The following TMEM37 variants were observed in gnomAD, a reference collection of about 807,000 sequenced individuals.
TMEM37 encodes transmembrane protein 37.
In TMEM37, 12 loss-of-function variants were observed where a neutral mutation model predicts 11.0. The ratio of observed to expected loss-of-function variants is 1.09; its 90% CI spans 0.70 to 1.76. The LOEUF is 1.76. TMEM37 is among the 40% of genes most tolerant of loss of function. The pLI is 0.00. For synonymous variants in TMEM37, 127 were observed against 110.5 expected (o/e 1.15, Z -0.94); for missense variants, 203 against 251.2 (o/e 0.81, Z 1.30).
chr2:119,437,662 AC>A lies in TMEM37; in HGVS notation c.*224del. The A allele has an allele frequency of 1.7e-6, 1 of 597,572 alleles. No homozygotes were observed. Among genetic ancestry groups the A allele is most frequent in the African/African-American group, 1.9e-5 (1 of 53,896 alleles). The allele number at this position is 597,572 out of a possible 1,614,324, so 37.0% of individuals were successfully genotyped here. A position where few individuals can be genotyped will look rare whatever the true frequency, so the allele number is the denominator to read the frequency against. ...GAGGCCAGGAGGGTGCCTCAGTGCCACCAACTGCACAGGCTTAGCCAGATGT... is the reference window on the plus strand; with the variant it reads ...GAGGCCAGGAGGGTGCCTCAGTGCCACAACTGCACAGGCTTAGCCAGATGT... On this transcript the variant is annotated 3_prime_UTR_variant, in exon 2 of 2. Coordinates refer to ENST00000306406, the MANE Select transcript of TMEM37 (RefSeq NM_183240.3).
chr2:119,431,569 C>A (rs1682394105), upstream of TMEM37, among the ~76,000 whole-genome samples: 1 of 152,242 alleles, frequency 6.6e-6, no homozygotes, highest in African/African-American at 2.4e-5. Flanking sequence ...GCGCCCCAGG[C>A]GAAGCTGTCC....
Position 119,437,582 on chromosome 2 carries a change from G to C in TMEM37, c.*142G>C. ...ACGGCTGCCTGTTTGCCGATAACTT[G>C]TGGGTGGTCAGCCAGAAATGGCCCG... On this transcript the variant is annotated 3_prime_UTR_variant, in exon 2 of 2. Transcript: ENST00000306406. 1 of 1,176,728 alleles carries C rather than the reference G, an allele frequency of 8.5e-7. No individual in the cohort carries two copies. Among genetic ancestry groups the C allele is most frequent in the Non-Finnish European group, 1.2e-6 (1 of 850,440 alleles). The allele number at this position is 1,176,728 out of a possible 1,614,324, so 72.9% of individuals were successfully genotyped here.
At position 119,437,603 on chromosome 2, in the gene TMEM37, GC is replaced by G. The variant is rs778059092; in HGVS notation, c.*166del. 130 of 985,086 alleles carry G rather than the reference GC, an allele frequency of 1.3e-4. No individual in the cohort carries two copies. Among genetic ancestry groups the G allele is most frequent in the Admixed American group, 9.4e-4 (33 of 35,292 alleles). 61.0% of individuals were successfully genotyped at this position (985,086 alleles called of 1,614,324 possible). A position where few individuals can be genotyped will look rare whatever the true frequency, so the allele number is the denominator to read the frequency against. ...ACTTGTGGGTGGTCAGCCAGAAATG[GC>G]CCGGGGGCCTCTGCACCTGGTCTGC... On this transcript the variant is annotated 3_prime_UTR_variant, in exon 2 of 2. Coordinates refer to ENST00000306406, the MANE Select transcript of TMEM37 (RefSeq NM_183240.3).
upstream of TMEM37, chr2:119,431,844 C>G: frequency 1.6e-6 from 2 of 1,228,820 alleles, no homozygotes; most frequent in Non-Finnish European, 1.0e-6. Flanking sequence ...GGGCTGGCGC[C>G]GGCGGCCACA....
At position 119,436,969 on chromosome 2, in the gene TMEM37, G is replaced by A; in HGVS notation, c.102G>A (p.Val34=). ...SFIRTLIITC[V]ALAVVLSSVS... is the part of the protein sequence containing the mutation. The stretch of plus-strand genomic sequence containing the variant: ...TCCGGACCCTCATCATCACGTGTGT[G>A]GCCCTGGCTGTGGTCCTGTCCTCGG... The change falls in exon 2 of 2, where the codon GTG becomes GTA. Residue 34 remains valine, a synonymous_variant. Coordinates refer to ENST00000306406, the MANE Select transcript of TMEM37 (RefSeq NM_183240.3). 1 of 1,614,242 alleles carries A rather than the reference G, an allele frequency of 6.2e-7. No individual in the cohort carries two copies. Among genetic ancestry groups the A allele is most frequent in the Non-Finnish European group, 8.5e-7 (1 of 1,180,052 alleles).
In TMEM37 at chr2:119,437,167, G is replaced by A. The variant is rs769780996; in HGVS notation, c.300G>A (p.Val100=). The A allele has an allele frequency of 1.9e-6, 3 of 1,614,246 alleles. No homozygotes were observed. Among genetic ancestry groups the A allele is most frequent in the Non-Finnish European group, 2.5e-6 (3 of 1,180,050 alleles). Residue 100 remains valine (V), a synonymous_variant, in exon 2 of 2, where the codon GTG becomes GTA. Coordinates refer to ENST00000306406, the MANE Select transcript of TMEM37 (RefSeq NM_183240.3). Reference sequence around the variant, plus strand: ...GCAGCGTGGGCGCCTTGGCCGTGGTGGCCGCCATTTTTGGCCTGGAGTTCC... The same window carrying A: ...GCAGCGTGGGCGCCTTGGCCGTGGTAGCCGCCATTTTTGGCCTGGAGTTCC... The part of the protein sequence containing the change: ...LVRSVGALAV[V]AAIFGLEFLM...
chr2:119,434,255 T>C (rs1573764767), intron 1 of TMEM37, among the ~76,000 whole-genome samples: 1 of 152,120 alleles, frequency 6.6e-6, no homozygotes, highest in Non-Finnish European at 1.5e-5. Flanking sequence ...TTTAGGACCA[T>C]TTATCATTCT....
Position 119,438,236 on chromosome 2 carries a change from T to A in TMEM37, c.*796T>A, listed in dbSNP as rs975788364. The A allele has an allele frequency of 6.6e-6, 1 of 152,080 alleles. No homozygotes were observed. Among genetic ancestry groups the A allele is most frequent in the African/African-American group, 2.4e-5 (1 of 41,380 alleles). The allele number at this position is 152,080 out of a possible 1,614,324, so 9.4% of individuals were successfully genotyped here. A position where few individuals can be genotyped will look rare whatever the true frequency, so the allele number is the denominator to read the frequency against. On this transcript the variant is annotated 3_prime_UTR_variant, in exon 2 of 2. Coordinates refer to ENST00000306406, the MANE Select transcript of TMEM37 (RefSeq NM_183240.3). The stretch of plus-strand genomic sequence containing the variant: ...CCACCTGACTGCTAATACACAGCCC[T>A]CCCCAAGGCCCGTGTGTGCATGTGT...
chr2:119,430,319 G>A, upstream of TMEM37: 1 of 552,264 alleles, frequency 1.8e-6, no homozygotes. Context: ...CTGCAGTGGG[G>A]CCTCGCAATC....
chr2:119,432,175 C>T (rs1242606513), intron 1 of TMEM37: 5 of 367,360 alleles, frequency 1.4e-5, no homozygotes, highest in Non-Finnish European at 2.4e-5. Context: ...CTGCTCGCGG[C>T]CTTGCAAGCA....
At chr2:119,432,132 T>A (rs1682413142) in intron 1 of TMEM37, 2 of 375,324 alleles carry the variant, frequency 5.3e-6, no homozygotes, top group Non-Finnish European at 9.4e-6. Flanking sequence ...CTGCCTCACA[T>A]AGCTGCTCCC....
chr2:119,431,732 G>GCGGGGTTGGCGGAGCCCGCC (rs1372879617), upstream of TMEM37: 4 of 476,300 alleles, frequency 8.4e-6, no homozygotes, highest in East Asian at 1.2e-4. Context: ...GCGGAGGGCG[G>GCGGGGTTGGCGGAGCCCGCC]CGGGGTTGGC....
upstream of TMEM37, chr2:119,430,525 C>T: frequency 2.2e-6 from 1 of 451,908 alleles, no homozygotes. Context: ...TTGACAAGGT[C>T]TGTTGGGCAG....
chr2:119,430,197 A>G, upstream of TMEM37: 1 of 642,568 alleles, frequency 1.6e-6, no homozygotes, highest in Non-Finnish European at 2.9e-6. Flanking sequence ...GCAGAGAGGC[A>G]CCAGGCTGGC....
Position 119,437,416 on chromosome 2 carries a change from C to T in TMEM37, c.549C>T (p.Asn183=), listed in dbSNP as rs770381233. ...ACGCCATCAGCGGCCTTCACATCAA[C>T]AGCATCACCCATCCCTGGGAATGAC... The part of the protein sequence containing the change: ...FLNAISGLHI[N]SITHPWE Residue 183 remains asparagine (N), a synonymous_variant, in exon 2 of 2, where the codon AAC becomes AAT. Coordinates refer to ENST00000306406, the MANE Select transcript of TMEM37 (RefSeq NM_183240.3). 16 of 1,613,540 alleles carry T rather than the reference C, an allele frequency of 9.9e-6. 1 individual carries two copies. The highest frequency in any genetic ancestry group is 1.7e-4 in the Middle Eastern group (1 of 6,060).
Position 119,432,179 on chromosome 2 carries a change from G to T in TMEM37, c.21+255G>T, listed in dbSNP as rs1682414664. 8.2e-6 allele frequency: 3 copies of T among 366,050 alleles called. 1 individual carries two copies. In the Admixed American group the frequency reaches 1.4e-4, roughly 17 times the overall value. The allele number at this position is 366,050 out of a possible 1,614,324, so 22.7% of individuals were successfully genotyped here. A position where few individuals can be genotyped will look rare whatever the true frequency, so the allele number is the denominator to read the frequency against. ...TCCGGCTGCTTCTGCTCGCGGCCTT[G>T]CAAGCACCCGAGGCTCCCAAACTTC... On this transcript the variant is annotated intron_variant, in intron 1 of 1. Transcript: ENST00000306406.
intron 1 of TMEM37, among the ~76,000 whole-genome samples, chr2:119,435,456 C>G (rs1248328653): frequency 1.3e-5 from 2 of 152,320 alleles, no homozygotes; most frequent in African/African-American, 4.8e-5. Context: ...CCTCCCAAAC[C>G]GAGGTGTAAC....
At chr2:119,431,952 C>T in intron 1 of TMEM37, 28 bp downstream of exon 1, 3 of 1,218,312 alleles carry the variant, frequency 2.5e-6, no homozygotes, top group South Asian at 4.1e-5. Context: ...GGGCGCTGAC[C>T]CGGGGTGCTG....
chr2:119,435,548 C>T (rs931247539), intron 1 of TMEM37, among the ~76,000 whole-genome samples: 2 of 152,178 alleles, frequency 1.3e-5, no homozygotes, highest in African/African-American at 2.4e-5. Flanking sequence ...GAGCTTCAGA[C>T]GGAAGTGACA....
Sources: gnomAD v4.1 joint callset for allele counts (sites outside exome capture counted in the v4.1 genomes callset) on GRCh38, gnomAD v4.1.1 for gene constraint, MANE v1.5 for transcripts, NCBI Gene and HGNC (gene_info 2026-07-23, HGNC 2026-07-21) for gene names.